Variants in CAMKMT observed in about 807,000 individuals in gnomAD.
The protein encoded by CAMKMT is calmodulin-lysine N-methyltransferase, also known as CaM KMT.
In CAMKMT, 53 loss-of-function variants were observed where a neutral mutation model predicts 48.0. That is an observed-to-expected ratio of 1.10 (90% CI 0.89 to 1.39). CAMKMT has a LOEUF of 1.39. Ranked by LOEUF, CAMKMT falls within the 40% of genes most tolerant of loss-of-function variation. The pLI is 0.00. For synonymous variants in CAMKMT, 165 were observed against 152.3 expected, an observed-to-expected ratio of 1.08 and a Z score of -0.61; for missense variants, 428 against 402.7, an observed-to-expected ratio of 1.06 and a Z score of -0.54.
intron 3 of CAMKMT, among the ~76,000 whole-genome samples, chr2:44,564,231 A>G (rs917063206): frequency 1.3e-5 from 2 of 148,408 alleles, no homozygotes; most frequent in Non-Finnish European, 3.0e-5. Flanking sequence ...GCTGGAGTGC[A>G]GTGGCTCAAT....
chr2:44,629,160 T>A (rs1184083607), intron 3 of CAMKMT, among the ~76,000 whole-genome samples: 1 of 152,222 alleles, frequency 6.6e-6, no homozygotes, highest in Non-Finnish European at 1.5e-5. Flanking sequence ...TATTTCTGTT[T>A]ATTTCTATCA....
At chr2:44,560,773 C>T (rs1170936433) in intron 3 of CAMKMT, among the ~76,000 whole-genome samples, 7 of 152,216 alleles carry the variant, frequency 4.6e-5, no homozygotes, top group Non-Finnish European at 2.9e-5. Context: ...GGCAGCTCCC[C>T]CATTCTTTGG....
chr2:44,472,164 G>A (rs1257655542), intron 3 of CAMKMT, among the ~76,000 whole-genome samples: 1 of 152,082 alleles, frequency 6.6e-6, no homozygotes, highest in African/African-American at 2.4e-5. Context: ...TCCGCTCCCT[G>A]GGTTCACGCC....
At position 44,653,178 on chromosome 2, in the gene CAMKMT, C is replaced by T. The variant is rs1674187838; in HGVS notation, c.377-51105C>T. 6.6e-6 allele frequency among the ~76,000 whole-genome samples: 1 copy of T among 152,104 alleles called. No homozygotes were observed. Among genetic ancestry groups the T allele is most frequent in the Admixed American group, 6.6e-5 (1 of 15,266 alleles). Reference sequence around the variant, plus strand: ...AAGAGTCTTTTTTTATTATTTCTCACTTCACTAGCTCGTGAGCTCCTTTAA... The same window carrying T: ...AAGAGTCTTTTTTTATTATTTCTCATTTCACTAGCTCGTGAGCTCCTTTAA... On this transcript the variant is annotated intron_variant, in intron 3 of 10. Coordinates refer to ENST00000378494, the MANE Select transcript of CAMKMT (RefSeq NM_024766.5). The surrounding 1 kb of genome is among the most constrained non-coding windows in gnomAD (Gnocchi z 5.2).
At chr2:44,449,450 A>G (rs377193685) in intron 3 of CAMKMT, among the ~76,000 whole-genome samples, 1 of 152,148 alleles carries the variant, frequency 6.6e-6, no homozygotes, top group Non-Finnish European at 1.5e-5. Context: ...CTTCCCAATT[A>G]TCCAATTTCT....
intron 3 of CAMKMT, among the ~76,000 whole-genome samples, chr2:44,522,150 C>T (rs1360812089): frequency 1.3e-5 from 2 of 151,976 alleles, no homozygotes; most frequent in Non-Finnish European, 2.9e-5. Context: ...ACTACAGGCA[C>T]ATGCCACCAC....
intron 3 of CAMKMT, among the ~76,000 whole-genome samples, chr2:44,701,849 T>C (rs1056302845): frequency 6.6e-5 from 10 of 152,214 alleles, no homozygotes; most frequent in Non-Finnish European, 1.2e-4. Flanking sequence ...AATCAGGTTA[T>C]TGAATATCTT....
intron 9 of CAMKMT, among the ~76,000 whole-genome samples, chr2:44,765,770 A>G (rs1558842935): frequency 6.6e-6 from 1 of 152,208 alleles, no homozygotes; most frequent in African/African-American, 2.4e-5. Flanking sequence ...ACTTTCTTTG[A>G]AAAGCAATCA....
chr2:44,427,558 C>T (rs902255400), intron 3 of CAMKMT, among the ~76,000 whole-genome samples: 4 of 152,258 alleles, frequency 2.6e-5, no homozygotes, highest in Non-Finnish European at 5.9e-5. Flanking sequence ...TTCTCAACTT[C>T]GTGAATCTAG....
At chr2:44,543,775 C>T (rs553607980) in intron 3 of CAMKMT, among the ~76,000 whole-genome samples, 1 of 152,236 alleles carries the variant, frequency 6.6e-6, no homozygotes, top group African/African-American at 2.4e-5. Context: ...ATGTAGTAAT[C>T]ATGTATTTTA....
At chr2:44,515,791 C>G (rs1670803021) in intron 3 of CAMKMT, among the ~76,000 whole-genome samples, 1 of 152,128 alleles carries the variant, frequency 6.6e-6, no homozygotes, top group South Asian at 2.1e-4. Flanking sequence ...CTTCTTTGTC[C>G]AACTCCTCTG....
At chr2:44,638,595 G>A (rs1203379000) in intron 3 of CAMKMT, among the ~76,000 whole-genome samples, 1 of 152,168 alleles carries the variant, frequency 6.6e-6, no homozygotes, top group Non-Finnish European at 1.5e-5. Flanking sequence ...CTTCTCAAGG[G>A]AAAGGAAATA....
chr2:44,372,657 A>G, intron 1 of CAMKMT, 59 bp from the exon 2 acceptor site: 2 of 1,495,706 alleles, frequency 1.3e-6, no homozygotes, highest in African/African-American at 1.4e-5. Context: ...AACATTTTGA[A>G]CACTAAACTT....
intron 3 of CAMKMT, among the ~76,000 whole-genome samples, chr2:44,586,785 T>G (rs1002469344): frequency 3.9e-5 from 6 of 152,214 alleles, no homozygotes; most frequent in African/African-American, 1.4e-4. Context: ...GTAGAATCTT[T>G]TATTTAGACA....
In CAMKMT at chr2:44,501,450, G is replaced by A. The variant is rs370931116; in HGVS notation, c.376+111145G>A. On this transcript the variant is annotated intron_variant, in intron 3 of 10. Coordinates refer to ENST00000378494, the MANE Select transcript of CAMKMT (RefSeq NM_024766.5). Reference sequence around the variant, plus strand: ...TGAAAGGGTCTATTTTAAATGCTACGTGTTTCTACTAGAATATAGAGCTGT... The same window carrying A: ...TGAAAGGGTCTATTTTAAATGCTACATGTTTCTACTAGAATATAGAGCTGT... 1.6e-3 allele frequency among the ~76,000 whole-genome samples: 250 copies of A among 152,234 alleles called. 3 individuals carry two copies. The highest frequency in any genetic ancestry group is 5.6e-3 in the South Asian group (27 of 4,822).
chr2:44,584,480 T>C (rs1194401914), intron 3 of CAMKMT, among the ~76,000 whole-genome samples: 3 of 152,174 alleles, frequency 2.0e-5, no homozygotes, highest in Non-Finnish European at 4.4e-5. Flanking sequence ...CATTGATAAT[T>C]TATGGATAAT....
chr2:44,731,336 G>C (rs2104345358), intron 7 of CAMKMT, among the ~76,000 whole-genome samples: 1 of 152,208 alleles, frequency 6.6e-6, no homozygotes, highest in East Asian at 1.9e-4. Flanking sequence ...GCAAGACTCT[G>C]TCTCAGAAAA....
chr2:44,637,146 A>T (rs1673181285), intron 3 of CAMKMT, among the ~76,000 whole-genome samples: 1 of 152,252 alleles, frequency 6.6e-6, no homozygotes, highest in Non-Finnish European at 1.5e-5. Flanking sequence ...TAGAATAGTT[A>T]ATGACAGTCA....
intron 3 of CAMKMT, among the ~76,000 whole-genome samples, chr2:44,396,563 T>G (rs898859846): frequency 6.6e-6 from 1 of 152,102 alleles, no homozygotes; most frequent in Non-Finnish European, 1.5e-5. Context: ...TTTTTGCTTA[T>G]CAGGTTGGCA....
Sources: allele counts gnomAD v4.1 joint callset (sites outside exome capture counted in the v4.1 genomes callset), GRCh38; gene constraint gnomAD v4.1.1; non-coding constraint Gnocchi (gnomAD v3.1); transcripts MANE v1.5; gene names NCBI Gene and HGNC (gene_info 2026-07-23, HGNC 2026-07-21).